Variants in SENP2 observed in about 807,000 individuals in gnomAD.
The protein encoded by SENP2 is SUMO specific peptidase 2.
In SENP2, 16 loss-of-function variants were observed where a neutral mutation model predicts 86.3. That is an observed-to-expected ratio of 0.19 (90% CI 0.13 to 0.28). The LOEUF is 0.28. SENP2 is among the 10% of genes least tolerant of loss of function. The pLI is 1.00. For missense variants in SENP2, 552 were observed against 703.0 expected (o/e 0.79, Z 2.43); for synonymous variants, 222 against 238.7 (o/e 0.93, Z 0.64).
intron 2 of SENP2, among the ~76,000 whole-genome samples, chr3:185,591,496 C>T (rs894502871): frequency 1.3e-5 from 2 of 151,570 alleles, no homozygotes; most frequent in Admixed American, 6.6e-5. Context: ...GGACTACAGG[C>T]GCCCGCCATC....
At chr3:185,597,777 C>T (rs914480190) in intron 2 of SENP2, among the ~76,000 whole-genome samples, 1 of 152,010 alleles carries the variant, frequency 6.6e-6, no homozygotes, top group Non-Finnish European at 1.5e-5. Context: ...CCTCAGCCTC[C>T]TGAATAGGTG....
chr3:185,604,913 G>A (rs1413796058), intron 5 of SENP2, among the ~76,000 whole-genome samples: 3 of 151,072 alleles, frequency 2.0e-5, no homozygotes, highest in Non-Finnish European at 4.4e-5. Flanking sequence ...GCACCACCAC[G>A]CCCAGCTAAT....
chr3:185,608,827 C>CT (rs1164424121), intron 6 of SENP2, among the ~76,000 whole-genome samples: 3 of 152,122 alleles, frequency 2.0e-5, no homozygotes, highest in Non-Finnish European at 4.4e-5. Context: ...GGAAAAGTGT[C>CT]TATTAAATGT....
chr3:185,587,271 T>G (rs990117424), intron 1 of SENP2, among the ~76,000 whole-genome samples: 13 of 152,066 alleles, frequency 8.5e-5, no homozygotes, highest in Non-Finnish European at 1.3e-4. Flanking sequence ...TAGCTGGGAT[T>G]GCAGGTGTGC....
intron 16 of SENP2, among the ~76,000 whole-genome samples, chr3:185,629,575 CA>C (rs34843707): frequency 0.023 from 2,655 of 116,956 alleles, 34 homozygotes; most frequent in East Asian, 0.11. Flanking sequence ...GACTCCATCT[CA>C]AAAAAAAAAA....
chr3:185,604,417 A>G (rs1048090795), intron 5 of SENP2, among the ~76,000 whole-genome samples: 1 of 152,240 alleles, frequency 6.6e-6, no homozygotes, highest in African/African-American at 2.4e-5. Context: ...GTTGGGTAGA[A>G]TGACCTAAAT....
chr3:185,608,652 A>G (rs1435509830), intron 6 of SENP2, among the ~76,000 whole-genome samples: 1 of 152,196 alleles, frequency 6.6e-6, no homozygotes, highest in Non-Finnish European at 1.5e-5. Flanking sequence ...CAGGGAAGGA[A>G]TGTAGTGCAA....
Position 185,586,304 on chromosome 3 carries a change from C to A in SENP2, c.-110C>A, listed in dbSNP as rs1052338047. ...GCTCTTGAATCGCGTCACAAATCAGCGACCGAACTCTGGCGGTGGTGGTTA... is the reference window on the plus strand; with the variant it reads ...GCTCTTGAATCGCGTCACAAATCAGAGACCGAACTCTGGCGGTGGTGGTTA... On this transcript the variant is annotated 5_prime_UTR_variant, in exon 1 of 17. Coordinates refer to ENST00000296257, the MANE Select transcript of SENP2 (RefSeq NM_021627.3). This position sits in a 1 kb window ranked among gnomAD's most constrained non-coding sequence, Gnocchi z 4.3. 1.2e-5 allele frequency: 19 copies of A among 1,563,516 alleles called. No individual in the cohort carries two copies. The Admixed American group carries it at 3.4e-4, about 28-fold the overall frequency.
At chr3:185,592,660 A>G (rs1722045775) in intron 2 of SENP2, among the ~76,000 whole-genome samples, 2 of 149,418 alleles carry the variant, frequency 1.3e-5, no homozygotes, top group Admixed American at 6.7e-5. Flanking sequence ...TCTGTTGCTC[A>G]GGCTGGAGTG....
intron 4 of SENP2, among the ~76,000 whole-genome samples, chr3:185,600,171 G>A (rs1722299085): frequency 6.6e-6 from 1 of 152,084 alleles, no homozygotes; most frequent in Admixed American, 6.6e-5. Flanking sequence ...CATCTGTTTG[G>A]AATATTTGTT....
At chr3:185,606,673 C>T (rs753696343) in intron 6 of SENP2, 175 bp downstream of exon 6, 1 of 591,902 alleles carries the variant, frequency 1.7e-6, no homozygotes. Context: ...AATCTGCATG[C>T]AGCATGTGCC....
intron 5 of SENP2, among the ~76,000 whole-genome samples, chr3:185,602,426 T>C (rs571914125): frequency 6.6e-6 from 1 of 152,196 alleles, no homozygotes; most frequent in East Asian, 1.9e-4. Flanking sequence ...ATGGGATAAT[T>C]TAAACATCAA....
At chr3:185,621,402 T>C (rs1389700794) in intron 13 of SENP2, among the ~76,000 whole-genome samples, 1 of 137,886 alleles carries the variant, frequency 7.3e-6, no homozygotes, top group Non-Finnish European at 1.6e-5. Flanking sequence ...TTTTTTTTTT[T>C]TTTTTTTGAG....
At chr3:185,589,427 T>A (rs1721905775) in intron 1 of SENP2, among the ~76,000 whole-genome samples, 1 of 152,190 alleles carries the variant, frequency 6.6e-6, no homozygotes, top group Non-Finnish European at 1.5e-5. Context: ...GGAAATTGCT[T>A]GTTTGTTGTT....
Position 185,631,426 on chromosome 3 carries a change from C to A in SENP2, c.*1582C>A. 6.3e-5 allele frequency: 1 copy of A among 15,920 alleles called. No homozygotes were observed. Among genetic ancestry groups the A allele is most frequent in the Non-Finnish European group, 1.0e-4 (1 of 10,012 alleles). The allele number at this position is 15,920 out of a possible 1,614,324, so 1.0% of individuals were successfully genotyped here. A position where few individuals can be genotyped will look rare whatever the true frequency, so the allele number is the denominator to read the frequency against. ...CGGGAGCAGGTTGTACCACACCTCT[C>A]CCCCCCCCCTCCCACTCCCCCTCCC... is the stretch of plus-strand genomic sequence containing the variant. On this transcript the variant is annotated 3_prime_UTR_variant, in exon 17 of 17. Coordinates refer to ENST00000296257, the MANE Select transcript of SENP2 (RefSeq NM_021627.3).
chr3:185,620,529 G>A (rs1202435577), intron 13 of SENP2, among the ~76,000 whole-genome samples: 2 of 151,902 alleles, frequency 1.3e-5, no homozygotes, highest in Non-Finnish European at 2.9e-5. Context: ...TGCAGCCTCC[G>A]CCTCCTGGGT....
At chr3:185,614,174 G>C (rs77636274) in intron 10 of SENP2, among the ~76,000 whole-genome samples, 2,873 of 152,304 alleles carry the variant, frequency 0.019, 98 homozygotes, top group African/African-American at 0.066. Flanking sequence ...CTAGAACCAA[G>C]TTGAGTTACT....
chr3:185,591,833 G>T (rs1406418432), intron 2 of SENP2, among the ~76,000 whole-genome samples: 1 of 151,602 alleles, frequency 6.6e-6, no homozygotes, highest in Non-Finnish European at 1.5e-5. Flanking sequence ...CTGGGCCCAG[G>T]TGATCCTTCC....
chr3:185,632,226 T>TG lies in SENP2; in HGVS notation c.*2382_*2383insG, dbSNP rs1553842430. 2 of 75,356 alleles carry TG rather than the reference T, an allele frequency of 2.7e-5. No homozygotes were observed. Among genetic ancestry groups the TG allele is most frequent in the Admixed American group, 1.4e-4 (1 of 7,094 alleles). 4.7% of individuals were successfully genotyped at this position (75,356 alleles called of 1,614,324 possible). ...TTAAAGCCAGTGGTTTTTTTTTTGT[T>TG]TTTTTTTTTTGTTTTTTTTTTTTTT... is the stretch of plus-strand genomic sequence containing the variant. On this transcript the variant is annotated 3_prime_UTR_variant, in exon 17 of 17. Coordinates refer to ENST00000296257, the MANE Select transcript of SENP2 (RefSeq NM_021627.3).
Sources: allele counts gnomAD v4.1 joint callset (sites outside exome capture counted in the v4.1 genomes callset), GRCh38; gene constraint gnomAD v4.1.1; non-coding constraint Gnocchi (gnomAD v3.1); transcripts MANE v1.5; gene names NCBI Gene and HGNC (gene_info 2026-07-23, HGNC 2026-07-21).